The following STAG2 variants were observed in gnomAD, a reference collection of about 807,000 sequenced individuals.
STAG2 encodes STAG2 cohesin complex component.
In STAG2, 14 loss-of-function variants were observed where a neutral mutation model predicts 108.1. The observed-to-expected ratio is 0.13, with a 90% confidence interval of 0.09 to 0.20. STAG2 has a LOEUF of 0.20. Among genes scored for constraint, STAG2 ranks in the 10% least tolerant of loss-of-function variants. The pLI is 1.00. For synonymous variants in STAG2, 307 were observed against 302.7 expected, an observed-to-expected ratio of 1.01 and a Z score of -0.15; for missense variants, 440 against 940.9, an observed-to-expected ratio of 0.47 and a Z score of 6.96.
chrX:124,073,637 G>C (rs371353369), intron 25 of STAG2, among the ~76,000 whole-genome samples: 1 of 111,570 alleles, frequency 9.0e-6, no homozygotes, highest in Non-Finnish European at 1.9e-5. Flanking sequence ...AGCCCAGCGT[G>C]GTTTCAAACT....
chrX:124,009,506 G>A lies in STAG2; in HGVS notation c.-162-11861G>A, dbSNP rs772231966. On this transcript the variant is annotated intron_variant, in intron 1 of 34. Transcript: ENST00000371145. ...CTTCTTACTGGATCTTTTTCATGCTGTATGCTTCCTCTCGAGTTTAATGGA... is the reference window on the plus strand; with the variant it reads ...CTTCTTACTGGATCTTTTTCATGCTATATGCTTCCTCTCGAGTTTAATGGA... Among the ~76,000 whole-genome samples the A allele has an allele frequency of 2.4e-4, 26 of 110,167 alleles. No individual in the cohort carries two copies. The Admixed American group carries it at 2.6e-3, about 11-fold the overall frequency.
intron 1 of STAG2, among the ~76,000 whole-genome samples, chrX:124,000,144 T>C (rs1221744672): frequency 9.1e-6 from 1 of 110,113 alleles, no homozygotes; most frequent in East Asian, 2.9e-4. Context: ...TCCTATAATA[T>C]TGTAATGGAG....
intron 1 of STAG2, among the ~76,000 whole-genome samples, chrX:123,997,863 A>T (rs2055818895): frequency 9.0e-6 from 1 of 110,747 alleles, no homozygotes; most frequent in Non-Finnish European, 1.9e-5. Flanking sequence ...CTGGTCTCTA[A>T]CTCCTAATCT....
At chrX:124,048,865 A>G in intron 9 of STAG2, 140 bp from the exon 10 acceptor site, 1 of 450,239 alleles carries the variant, frequency 2.2e-6, no homozygotes, top group Non-Finnish European at 3.9e-6. Context: ...ATTTTTCTAT[A>G]TGGTTACTGT....
At chrX:124,076,125 A>G (rs1266756530) in intron 25 of STAG2, among the ~76,000 whole-genome samples, 1 of 111,999 alleles carries the variant, frequency 8.9e-6, no homozygotes, top group Non-Finnish European at 1.9e-5. Context: ...GAACAAATGG[A>G]GTGATTCAGT....
chrX:124,019,979 G>A lies in STAG2; in HGVS notation c.-162-1388G>A, dbSNP rs182296487. On this transcript the variant is annotated intron_variant, in intron 1 of 34. Transcript: ENST00000371145. ...ATATACGTATAATACGCACATGCGC[G>A]CATCTATCTTGTCTTGAGAGATACA... is the stretch of plus-strand genomic sequence containing the variant. 1.7e-3 allele frequency among the ~76,000 whole-genome samples: 187 copies of A among 112,323 alleles called. 2 individuals carry two copies. The highest frequency in any genetic ancestry group is 3.0e-3 in the Non-Finnish European group (160 of 53,298).
intron 25 of STAG2, among the ~76,000 whole-genome samples, chrX:124,072,273 A>G (rs187373887): frequency 1.8e-5 from 2 of 111,755 alleles, no homozygotes; most frequent in East Asian, 5.6e-4. Context: ...CCAAACTGTG[A>G]AGTTAAAACT....
In STAG2 at chrX:124,072,880, TTTTCTTTC is replaced by T. The variant is rs1173440485; in HGVS notation, c.2533+1577_2533+1584del. On this transcript the variant is annotated intron_variant, in intron 25 of 34. Coordinates refer to ENST00000371145, the MANE Select transcript of STAG2 (RefSeq NM_001042750.2). ...CACGCCCAGCTAATTTTTCTTTTTT[TTTTCTTTC>T]TTTCTTTCTTTCTTTCTTTTTTTTT... is the stretch of plus-strand genomic sequence containing the variant. Among the ~76,000 whole-genome samples, 618 of 100,886 alleles carry T rather than the reference TTTTCTTTC, an allele frequency of 6.1e-3. 14 individuals carry two copies. The highest frequency in any genetic ancestry group is 0.022 in the African/African-American group (573 of 25,937). The allele number at this position is 100,886 out of a possible 115,157, so 87.6% of individuals were successfully genotyped here. A position where few individuals can be genotyped will look rare whatever the true frequency, so the allele number is the denominator to read the frequency against.
Position 124,100,896 on chromosome X carries a change from A to AC in STAG2, c.*299_*300insC. 1 of 219,500 alleles carries AC rather than the reference A, an allele frequency of 4.6e-6. No homozygotes were observed. The highest frequency in any genetic ancestry group is 8.2e-6 in the Non-Finnish European group (1 of 121,975). 18.1% of individuals were successfully genotyped at this position (219,500 alleles called of 1,213,427 possible). A position where few individuals can be genotyped will look rare whatever the true frequency, so the allele number is the denominator to read the frequency against. ...CATGCTTTTTTTTAAAAAAAAAAAA[A>AC]AACAAAATAACAATCTGAAGAGGCA... On this transcript the variant is annotated 3_prime_UTR_variant, in exon 35 of 35. Transcript: ENST00000371145.
At chrX:123,967,493 C>T (rs75178493) in intron 1 of STAG2, among the ~76,000 whole-genome samples, 3,748 of 109,691 alleles carry the variant, frequency 0.034, 63 homozygotes, top group Non-Finnish European at 0.048. Flanking sequence ...CTCGAACTCC[C>T]GACCTCAGGT....
intron 18 of STAG2, 21 bp downstream of exon 18, chrX:124,063,015 T>C: frequency 8.4e-7 from 1 of 1,190,204 alleles, no homozygotes; most frequent in Non-Finnish European, 1.1e-6. Flanking sequence ...GTCAATATCA[T>C]AGTGTTACTA....
intron 1 of STAG2, among the ~76,000 whole-genome samples, chrX:124,014,989 T>C (rs188960577): frequency 2.5e-5 from 2 of 79,896 alleles, no homozygotes; most frequent in Admixed American, 1.4e-4. Context: ...CTTTTTTTTT[T>C]TTTTTTTTTT....
intron 1 of STAG2, among the ~76,000 whole-genome samples, chrX:123,994,469 A>G (rs2055632278): frequency 8.9e-6 from 1 of 111,875 alleles, no homozygotes; most frequent in Admixed American, 9.5e-5. Flanking sequence ...GCTTTATAAT[A>G]AGATTGATGG....
At chrX:124,019,209 T>G (rs2056841855) in intron 1 of STAG2, among the ~76,000 whole-genome samples, 1 of 108,974 alleles carries the variant, frequency 9.2e-6, no homozygotes, top group Admixed American at 9.9e-5. Flanking sequence ...TACAGGCGCC[T>G]GCCACCACGC....
chrX:123,972,340 A>C (rs1355332737), intron 1 of STAG2, among the ~76,000 whole-genome samples: 3 of 102,987 alleles, frequency 2.9e-5, no homozygotes, highest in Non-Finnish European at 5.9e-5. Flanking sequence ...GCGCAATCTC[A>C]GCTCACTGCA....
chrX:123,983,969 C>CTTTTT (rs1569493164), intron 1 of STAG2, among the ~76,000 whole-genome samples: 24 of 64,609 alleles, frequency 3.7e-4, no homozygotes, highest in African/African-American at 1.8e-3. Context: ...ATTTTCTTTT[C>CTTTTT]TTTTCTTTTT....
At chrX:124,032,250 C>T (rs2057370353) in intron 5 of STAG2, among the ~76,000 whole-genome samples, 1 of 111,636 alleles carries the variant, frequency 9.0e-6, no homozygotes, top group Admixed American at 9.5e-5. Flanking sequence ...TTGTCTATTA[C>T]AAATTTTATT....
In STAG2 at chrX:124,061,265, C is replaced by T. The variant is rs749041698; in HGVS notation, c.1458C>T (p.Asp486=). 1 of 1,207,673 alleles carries T rather than the reference C, an allele frequency of 8.3e-7. No homozygotes were observed. The highest frequency in any genetic ancestry group is 3.0e-5 in the East Asian group (1 of 33,642). The part of the protein sequence containing the change: ...HAAYLVDSMW[D]CATELLKDWE... ...CATACCTTGTGGATAGCATGTGGGA[C>T]TGTGCTACTGAGCTGCTGAAAGACT... The change falls in exon 16 of 35, where the codon GAC becomes GAT. Residue 486 remains aspartate, a synonymous_variant. Coordinates refer to ENST00000371145, the MANE Select transcript of STAG2 (RefSeq NM_001042750.2).
intron 1 of STAG2, among the ~76,000 whole-genome samples, chrX:123,963,846 T>C (rs1180876641): frequency 3.6e-5 from 4 of 111,913 alleles, no homozygotes; most frequent in Admixed American, 9.5e-5. Flanking sequence ...GGCGGCTGTA[T>C]AGTTACATTG....
Sources: gnomAD v4.1 joint callset for allele counts (sites outside exome capture counted in the v4.1 genomes callset) on GRCh38, gnomAD v4.1.1 for gene constraint, MANE v1.5 for transcripts, NCBI Gene and HGNC (gene_info 2026-07-23, HGNC 2026-07-21) for gene names.